FTO: variants seen among roughly 807,000 people sequenced by gnomAD.
FTO encodes the protein FTO alpha-ketoglutarate dependent dioxygenase.
A neutral mutation model predicts 63.9 loss-of-function variants in FTO; 47 were observed. The ratio of observed to expected loss-of-function variants is 0.74; its 90% CI spans 0.58 to 0.94. The LOEUF is 0.94. FTO is among the 40% of genes least tolerant of loss of function. The probability of loss-of-function intolerance (pLI) is 0.00; values close to 1 mark genes in which losing one functional copy is unlikely to be tolerated. For synonymous variants in FTO, 207 were observed against 224.4 expected, an observed-to-expected ratio of 0.92 and a Z score of 0.69; for missense variants, 562 against 618.1, an observed-to-expected ratio of 0.91 and a Z score of 0.96.
intron 8 of FTO, among the ~76,000 whole-genome samples, chr16:54,049,613 G>T (rs1363952290): frequency 6.6e-6 from 1 of 152,204 alleles, no homozygotes; most frequent in Non-Finnish European, 1.5e-5. Context: ...TGAAATACTT[G>T]TCTTTGTATC....
rs1326663699 is a variant in FTO at position 54,037,816 on chromosome 16, A to G, written c.1365-73946A>G. Among the ~76,000 whole-genome samples the G allele has an allele frequency of 2.6e-5, 4 of 152,210 alleles. No homozygotes were observed. In the East Asian group the frequency reaches 7.7e-4, roughly 29 times the overall value. On this transcript the variant is annotated intron_variant, in intron 8 of 8. Coordinates refer to ENST00000471389, the MANE Select transcript of FTO (RefSeq NM_001080432.3). The stretch of plus-strand genomic sequence containing the variant: ...AAATGAATGCTTATATATAGTCATT[A>G]TGTTAAAAAATATGTAAAAATTACG...
At chr16:53,952,656 G>A (rs542691481) in intron 8 of FTO, among the ~76,000 whole-genome samples, 1 of 152,300 alleles carries the variant, frequency 6.6e-6, no homozygotes, top group East Asian at 1.9e-4. Context: ...TTCCAAGGCA[G>A]AAGAGACAGA....
intron 8 of FTO, among the ~76,000 whole-genome samples, chr16:53,952,649 C>T (rs1316826989): frequency 6.6e-6 from 1 of 152,090 alleles, no homozygotes; most frequent in Non-Finnish European, 1.5e-5. Flanking sequence ...GGTTATATTC[C>T]AAGGCAGAAG....
chr16:53,827,423 A>G (rs1389171343), intron 3 of FTO, among the ~76,000 whole-genome samples: 1 of 152,236 alleles, frequency 6.6e-6, no homozygotes, highest in African/African-American at 2.4e-5. Flanking sequence ...TTGGAAAACC[A>G]GAATTCTGGA....
At chr16:53,912,900 G>C (rs933036207) in intron 7 of FTO, among the ~76,000 whole-genome samples, 9 of 152,214 alleles carry the variant, frequency 5.9e-5, no homozygotes, top group African/African-American at 1.9e-4. Context: ...GATGCAGCTT[G>C]TTCAAGAAAG....
chr16:53,933,886 TA>T, intron 7 of FTO, 98 bp from the exon 8 acceptor site: 1 of 1,210,254 alleles, frequency 8.3e-7, no homozygotes, highest in Non-Finnish European at 1.2e-6. Context: ...GGAACTGTAA[TA>T]AAAAAGCCAT....
At chr16:54,093,002 T>C (rs1231420853) in intron 8 of FTO, among the ~76,000 whole-genome samples, 5 of 152,218 alleles carry the variant, frequency 3.3e-5, no homozygotes, top group Non-Finnish European at 5.9e-5. Context: ...TAAAAATACC[T>C]TTCCCTCCTT....
chr16:53,993,100 G>A (rs1299420608), intron 8 of FTO: 1 of 152,082 alleles, frequency 6.6e-6, no homozygotes, highest in Non-Finnish European at 1.5e-5. Context: ...TCTCCCCGGA[G>A]GGTTTTTATG....
intron 1 of FTO, among the ~76,000 whole-genome samples, chr16:53,737,360 A>G (rs1270073202): frequency 2.0e-5 from 3 of 152,166 alleles, no homozygotes; most frequent in Non-Finnish European, 4.4e-5. Context: ...AACGTCATAG[A>G]GTGCACTTAC....
intron 1 of FTO, among the ~76,000 whole-genome samples, chr16:53,751,414 T>C (rs137966297): frequency 0.011 from 1,650 of 151,980 alleles, 23 homozygotes; most frequent in East Asian, 0.04. Flanking sequence ...GCTGAGATCA[T>C]GCCACTGCAC....
intron 1 of FTO, among the ~76,000 whole-genome samples, chr16:53,759,181 G>C (rs2076990060): frequency 1.3e-5 from 2 of 152,144 alleles, no homozygotes; most frequent in Admixed American, 1.3e-4. Flanking sequence ...AAGCAAGAAA[G>C]AGCTTGCAAA....
intron 8 of FTO, among the ~76,000 whole-genome samples, chr16:54,002,856 C>A (rs1483036951): frequency 2.0e-5 from 3 of 151,988 alleles, no homozygotes; most frequent in Non-Finnish European, 4.4e-5. Flanking sequence ...TGTAGAAGAC[C>A]CTTTTTAAAA....
rs80283124 is a variant in FTO, at chr16:53,906,402, G to A, written c.1239+17451G>A. 9.3e-3 allele frequency among the ~76,000 whole-genome samples: 1,423 copies of A among 152,280 alleles called. 15 individuals carry two copies. The highest frequency in any genetic ancestry group is 0.034 in the Middle Eastern group (10 of 294). Reference sequence around the variant, plus strand: ...CGGACGAATATATGAACAGATTAGCGAATGAACAGGAAGGCTCCCTCACTT... The same window carrying A: ...CGGACGAATATATGAACAGATTAGCAAATGAACAGGAAGGCTCCCTCACTT... On this transcript the variant is annotated intron_variant, in intron 7 of 8. Coordinates refer to ENST00000471389, the MANE Select transcript of FTO (RefSeq NM_001080432.3).
At chr16:53,943,898 G>T (rs183444516) in intron 8 of FTO, among the ~76,000 whole-genome samples, 4 of 152,126 alleles carry the variant, frequency 2.6e-5, no homozygotes, top group African/African-American at 9.7e-5. Context: ...TCAATTATCC[G>T]TACCGTGGTT....
chr16:53,764,234 G>A (rs115290133), intron 1 of FTO: 3,795 of 152,278 alleles, frequency 0.025, 162 homozygotes, highest in African/African-American at 0.086. Flanking sequence ...ATGAGTCAGT[G>A]AACTAGAAGA....
chr16:53,776,648 A>AT (rs2077466553), intron 1 of FTO, among the ~76,000 whole-genome samples: 1 of 152,186 alleles, frequency 6.6e-6, no homozygotes. Context: ...TTAATGTAAC[A>AT]TTTTTTATGA....
At chr16:54,003,202 G>T (rs1310796850) in intron 8 of FTO, among the ~76,000 whole-genome samples, 1 of 152,204 alleles carries the variant, frequency 6.6e-6, no homozygotes, top group East Asian at 1.9e-4. Context: ...CTGCCCTCAG[G>T]AGTTCATGGC....
chr16:53,953,689 T>C (rs1217611219), intron 8 of FTO, among the ~76,000 whole-genome samples: 1 of 152,210 alleles, frequency 6.6e-6, no homozygotes, highest in Non-Finnish European at 1.5e-5. Context: ...GTAGGAATCT[T>C]GGAACAGCAA....
intron 8 of FTO, among the ~76,000 whole-genome samples, chr16:54,084,415 G>A (rs1470729797): frequency 6.6e-6 from 1 of 152,162 alleles, no homozygotes; most frequent in East Asian, 1.9e-4. Context: ...ATACCAGAAG[G>A]AGCAGTTTGG....
Sources: allele counts gnomAD v4.1 joint callset (sites outside exome capture counted in the v4.1 genomes callset), GRCh38; gene constraint gnomAD v4.1.1; transcripts MANE v1.5; gene names NCBI Gene and HGNC (gene_info 2026-07-23, HGNC 2026-07-21).